ERC1: variants seen among roughly 807,000 people sequenced by gnomAD.
ERC1 encodes the protein RAB6 interacting protein 2.
A neutral mutation model predicts 132.0 loss-of-function variants in ERC1; 56 were observed. That is an observed-to-expected ratio of 0.42 (90% CI 0.34 to 0.53). The LOEUF (loss-of-function observed/expected upper bound fraction) is 0.53, where lower values mean the gene tolerates loss of function less well. Among genes scored for constraint, ERC1 ranks in the 20% least tolerant of loss-of-function variants. The pLI is 0.03. For synonymous variants in ERC1, 478 were observed against 476.1 expected, an observed-to-expected ratio of 1.00 and a Z score of -0.05; for missense variants, 1,202 against 1,349.9, an observed-to-expected ratio of 0.89 and a Z score of 1.72.
intron 13 of ERC1, among the ~76,000 whole-genome samples, chr12:1,252,176 A>G (rs2076511269): frequency 6.6e-6 from 1 of 152,102 alleles, no homozygotes; most frequent in Admixed American, 6.5e-5. Flanking sequence ...TTTAACATGT[A>G]CAACAAAGTG....
At position 1,400,918 on chromosome 12, in the gene ERC1, T is replaced by TATTATTATTATTA. The variant is rs760878099; in HGVS notation, c.2926-7231_2926-7230insATTATTATTATTA. ...AATATTGTTTTGGCTATTTTTGTAT[T>TATTATTATTATTA]TTTTTTTTTTTTTTTTTTTTTTTTT... On this transcript the variant is annotated intron_variant, in intron 16 of 18. Transcript: ENST00000360905. 3.5e-3 allele frequency among the ~76,000 whole-genome samples: 96 copies of TATTATTATTATTA among 27,580 alleles called. 1 individual carries two copies. The highest frequency in any genetic ancestry group is 0.021 in the African/African-American group (91 of 4,274). 18.1% of individuals were successfully genotyped at this position (27,580 alleles called of 152,430 possible).
intron 2 of ERC1, among the ~76,000 whole-genome samples, chr12:1,059,153 G>A (rs7977736): frequency 0.23 from 34,501 of 152,026 alleles, 4,336 homozygotes; most frequent in Middle Eastern, 0.28. Context: ...ATTGGTGTAT[G>A]GAAATGCTAC....
At chr12:1,009,412 G>T (rs970417641) in intron 1 of ERC1, among the ~76,000 whole-genome samples, 1 of 152,118 alleles carries the variant, frequency 6.6e-6, no homozygotes, top group Non-Finnish European at 1.5e-5. Flanking sequence ...CTGACCTCGT[G>T]ATCCGCCCAC....
At chr12:1,243,884 T>C (rs2075993489) in intron 13 of ERC1, among the ~76,000 whole-genome samples, 1 of 152,238 alleles carries the variant, frequency 6.6e-6, no homozygotes, top group African/African-American at 2.4e-5. Context: ...GATGAAGTTT[T>C]CATGAATAGC....
Position 1,389,686 on chromosome 12 carries a change from A to G in ERC1, c.2925+17709A>G, listed in dbSNP as rs139359869. Reference sequence around the variant, plus strand: ...CCCATAGCCATTTTGCTGATTTGATATATAAATTAATAAAGCTCTGTTCCT... The same window carrying G: ...CCCATAGCCATTTTGCTGATTTGATGTATAAATTAATAAAGCTCTGTTCCT... On this transcript the variant is annotated intron_variant, in intron 16 of 18. Transcript: ENST00000360905. 4.9e-3 allele frequency among the ~76,000 whole-genome samples: 754 copies of G among 152,332 alleles called. 5 individuals are homozygous for G. The highest frequency in any genetic ancestry group is 9.8e-3 in the Admixed American group (150 of 15,292).
rs2094333638 is a variant in ERC1, at chr12:1,493,448, A to G, written c.*3218A>G. The G allele has an allele frequency of 6.4e-6, 1 of 156,240 alleles. No individual in the cohort carries two copies. The highest frequency in any genetic ancestry group is 1.5e-4 in the East Asian group (1 of 6,854). The allele number at this position is 156,240 out of a possible 1,614,324, so 9.7% of individuals were successfully genotyped here. On this transcript the variant is annotated 3_prime_UTR_variant, in exon 19 of 19. Coordinates refer to ENST00000360905, the MANE Select transcript of ERC1 (RefSeq NM_178040.4). ...ATCCCAGCTACTCAGGAGGCAGGAGAATCGCTTGAGCCTGGGAGGCAGAGG... is the reference window on the plus strand; with the variant it reads ...ATCCCAGCTACTCAGGAGGCAGGAGGATCGCTTGAGCCTGGGAGGCAGAGG...
intron 15 of ERC1, among the ~76,000 whole-genome samples, chr12:1,340,350 G>A (rs528175675): frequency 1.3e-5 from 2 of 152,176 alleles, no homozygotes; most frequent in African/African-American, 4.8e-5. Context: ...CAAGCCTAGG[G>A]AGATGGGCTT....
At chr12:1,074,013 C>T (rs1940911605) in intron 2 of ERC1, among the ~76,000 whole-genome samples, 1 of 147,186 alleles carries the variant, frequency 6.8e-6, no homozygotes, top group Non-Finnish European at 1.5e-5. Context: ...TACAGGCACG[C>T]ACCACTACAC....
chr12:1,304,021 C>G (rs971034328), intron 15 of ERC1, among the ~76,000 whole-genome samples: 1 of 144,266 alleles, frequency 6.9e-6, no homozygotes, highest in African/African-American at 2.6e-5. Context: ...ATTTTTTTTT[C>G]TCATGTATGA....
chr12:1,255,090 C>G (rs2076705753), intron 13 of ERC1, among the ~76,000 whole-genome samples: 1 of 151,944 alleles, frequency 6.6e-6, no homozygotes, highest in African/African-American at 2.4e-5. Context: ...GTTATCCCTC[C>G]CCCAGCCCCA....
chr12:1,183,548 A>G (rs1293774656), intron 11 of ERC1, 127 bp downstream of exon 11: 1 of 501,448 alleles, frequency 2.0e-6, no homozygotes, highest in Non-Finnish European at 3.4e-6. Flanking sequence ...AATACCATGT[A>G]TATCTGAATT....
intron 15 of ERC1, among the ~76,000 whole-genome samples, chr12:1,311,165 A>G (rs73032728): frequency 0.035 from 5,269 of 152,348 alleles, 98 homozygotes; most frequent in Middle Eastern, 0.075. Context: ...TTTCTGGCAC[A>G]AACTTTAAAA....
intron 1 of ERC1, among the ~76,000 whole-genome samples, chr12:1,021,953 A>G (rs983356009): frequency 2.0e-5 from 3 of 152,228 alleles, no homozygotes; most frequent in Admixed American, 1.3e-4. Flanking sequence ...TTAACCTGTA[A>G]GTAGGGTTAA....
rs767094449 is a variant in ERC1, at chr12:1,408,986, G to GA, written c.3024+749dup. Among the ~76,000 whole-genome samples, 1,375 of 148,052 alleles carry GA rather than the reference G, an allele frequency of 9.3e-3. 11 individuals carry two copies. The highest frequency in any genetic ancestry group is 0.012 in the Non-Finnish European group (786 of 66,782). The stretch of plus-strand genomic sequence containing the variant: ...CCAGTCTTAAAATATGTAGCTAAGG[G>GA]AAAAAAAAAACCAGTCAGGTAATCA... On this transcript the variant is annotated intron_variant, in intron 17 of 18. Transcript: ENST00000360905.
rs56939346 is a variant in ERC1, at chr12:1,493,548, A to AAAAAAAATATATATATATATATAT, written c.*3319_*3320insAAAAAATATATATATATATATATA. 7.3e-5 allele frequency: 1 copy of AAAAAAAATATATATATATATATAT among 13,616 alleles called. No individual in the cohort carries two copies. The highest frequency in any genetic ancestry group is 1.5e-4 in the Non-Finnish European group (1 of 6,820). The allele number at this position is 13,616 out of a possible 1,614,324, so 0.8% of individuals were successfully genotyped here. A position where few individuals can be genotyped will look rare whatever the true frequency, so the allele number is the denominator to read the frequency against. ...ACTCCATTTAAAAAAAAAAAAAAAA[A>AAAAAAAATATATATATATATATAT]ATATATATATATATATATATATATA... On this transcript the variant is annotated 3_prime_UTR_variant, in exon 19 of 19. Coordinates refer to ENST00000360905, the MANE Select transcript of ERC1 (RefSeq NM_178040.4).
At chr12:1,296,356 G>T (rs192411112) in intron 15 of ERC1, among the ~76,000 whole-genome samples, 1 of 147,366 alleles carries the variant, frequency 6.8e-6, no homozygotes, top group Non-Finnish European at 1.5e-5. Context: ...AAATGAAAAT[G>T]GAAATTTGAT....
chr12:1,303,359 G>C (rs189688303), intron 15 of ERC1, among the ~76,000 whole-genome samples: 3 of 152,256 alleles, frequency 2.0e-5, no homozygotes, highest in Non-Finnish European at 2.9e-5. Flanking sequence ...TTTACCGGCC[G>C]GGCGCCGTGG....
At chr12:1,237,011 C>T (rs989918010) in intron 13 of ERC1, 107 bp downstream of exon 13, 2 of 1,336,848 alleles carry the variant, frequency 1.5e-6, no homozygotes, top group Non-Finnish European at 2.0e-6. Flanking sequence ...TCTTTCTAAC[C>T]CTGCTTGCTG....
chr12:1,276,932 T>G (rs968614871), intron 14 of ERC1, among the ~76,000 whole-genome samples: 2 of 152,244 alleles, frequency 1.3e-5, no homozygotes, highest in Non-Finnish European at 2.9e-5. Context: ...CCACTGGATT[T>G]GATAAACTAC....
Sources: gnomAD v4.1 joint callset for allele counts (sites outside exome capture counted in the v4.1 genomes callset) on GRCh38, gnomAD v4.1.1 for gene constraint, MANE v1.5 for transcripts, NCBI Gene and HGNC (gene_info 2026-07-23, HGNC 2026-07-21) for gene names.